The following PSG2 variants were observed in gnomAD, a reference collection of about 807,000 sequenced individuals.
PSG2 encodes pregnancy specific beta-1-glycoprotein 2.
A neutral mutation model predicts 36.2 loss-of-function variants in PSG2; 49 were observed. The ratio of observed to expected loss-of-function variants is 1.35; its 90% CI spans 1.08 to 1.72. The LOEUF (loss-of-function observed/expected upper bound fraction) is 1.72. Among genes scored for constraint, PSG2 ranks in the 40% most tolerant of loss-of-function variants. The pLI, the probability that PSG2 is intolerant of heterozygous loss-of-function variation, is 0.00. For missense variants in PSG2, 605 were observed against 407.2 expected, an observed-to-expected ratio of 1.49 and a Z score of -4.18; for synonymous variants, 261 against 155.6, an observed-to-expected ratio of 1.68 and a Z score of -5.04.
intron 4 of PSG2, among the ~76,000 whole-genome samples, chr19:43,068,466 A>AAAAAGAAAG (rs1335710405): frequency 8.8e-5 from 13 of 147,060 alleles, no homozygotes; most frequent in African/African-American, 3.4e-4. Context: ...AAAAAAAAAA[A>AAAAAGAAAG]AAAGAAAGAA....
intron 2 of PSG2, among the ~76,000 whole-genome samples, chr19:43,076,250 A>G (rs1053668865): frequency 1.3e-5 from 2 of 151,560 alleles, no homozygotes; most frequent in Admixed American, 6.6e-5. Context: ...ATAGTGAGTG[A>G]CTTGAGCCAG....
intron 5 of PSG2, chr19:43,065,456 G>A (rs901266150): frequency 6.6e-6 from 1 of 151,532 alleles, no homozygotes; most frequent in African/African-American, 2.4e-5. Flanking sequence ...AGTAGTGTCA[G>A]GGAAGACTTA....
Position 43,082,560 on chromosome 19 carries a change from G to T in PSG2, c.10C>A (p.Leu4Ile). 6.2e-7 allele frequency: 1 copy of T among 1,612,042 alleles called. No individual in the cohort carries two copies. The highest frequency in any genetic ancestry group is 2.2e-5 in the East Asian group (1 of 44,842). Reference sequence around the variant, plus strand: ...TGCTCTGTGCAGGGAGGGGCTGAGAGGGGCCCCATGGTCTCTGCTGCCTGT... The same window carrying T: ...TGCTCTGTGCAGGGAGGGGCTGAGATGGGCCCCATGGTCTCTGCTGCCTGT... Reference protein sequence around the residue: MGPLSAPPCTEHIK... With the variant: MGPISAPPCTEHIK... Residue 4 changes from leucine (L) to isoleucine (I), a missense_variant, in exon 1 of 6, where the codon CTC becomes ATC. Leu to Ile is a conservative substitution (Grantham distance 5). Coordinates refer to ENST00000406487, the MANE Select transcript of PSG2 (RefSeq NM_031246.4).
intron 1 of PSG2, 161 bp downstream of exon 1, chr19:43,082,344 GT>G (rs1450082659): frequency 1.8e-6 from 2 of 1,141,688 alleles, no homozygotes; most frequent in East Asian, 5.1e-5. Flanking sequence ...GCTACACTGT[GT>G]TGGCCAGACT....
At chr19:43,072,604 G>T (rs1276428747) in intron 3 of PSG2, 5 of 1,611,432 alleles carry the variant, frequency 3.1e-6, no homozygotes, top group Non-Finnish European at 2.5e-6. Flanking sequence ...AGTTGTTGAT[G>T]GTGATTTAGG....
chr19:43,075,673 T>C, intron 2 of PSG2, 41 bp from the exon 3 acceptor site: 1 of 1,583,150 alleles, frequency 6.3e-7, no homozygotes, highest in South Asian at 1.2e-5. Flanking sequence ...GTGTGGCACC[T>C]TTGATTCCTC....
chr19:43,067,932 T>C (rs1255318663), intron 4 of PSG2, among the ~76,000 whole-genome samples: 1 of 151,206 alleles, frequency 6.6e-6, no homozygotes, highest in Non-Finnish European at 1.5e-5. Flanking sequence ...TACTTCAGGA[T>C]ATGAAAGAAG....
intron 3 of PSG2, chr19:43,072,291 C>G: frequency 1.3e-6 from 2 of 1,599,088 alleles, no homozygotes; most frequent in South Asian, 2.2e-5. Flanking sequence ...ACTGAGAGGC[C>G]TGGCCCCTGG....
intron 2 of PSG2, among the ~76,000 whole-genome samples, chr19:43,078,049 G>A (rs1685567617): frequency 1.3e-5 from 2 of 151,672 alleles, no homozygotes; most frequent in African/African-American, 4.9e-5. Context: ...GGGACTGCAG[G>A]CCTGTCCAGC....
intron 4 of PSG2, among the ~76,000 whole-genome samples, chr19:43,068,811 A>C (rs1967777672): frequency 6.6e-6 from 1 of 151,750 alleles, no homozygotes; most frequent in Non-Finnish European, 1.5e-5. Flanking sequence ...CAGGAATAAG[A>C]CAAGGATGCC....
chr19:43,074,470 T>A (rs1317457362), intron 3 of PSG2, among the ~76,000 whole-genome samples: 9 of 151,790 alleles, frequency 5.9e-5, no homozygotes, highest in African/African-American at 1.7e-4. Flanking sequence ...GTGAATTGAA[T>A]TTCTTTCCTT....
intron 2 of PSG2, among the ~76,000 whole-genome samples, chr19:43,079,265 A>G (rs1457467589): frequency 6.6e-6 from 1 of 151,452 alleles, no homozygotes; most frequent in Admixed American, 6.6e-5. Flanking sequence ...AGCTGCCCCC[A>G]GTTCCACAGT....
chr19:43,064,858 G>T, intron 5 of PSG2, among the ~76,000 whole-genome samples: 1 of 151,534 alleles, frequency 6.6e-6, no homozygotes, highest in East Asian at 1.9e-4. Flanking sequence ...TTCAGATGGA[G>T]TCTCACTCTG....
In PSG2 at chr19:43,075,442, G is replaced by T. The variant is rs759440236; in HGVS notation, c.621C>A (p.Val207=). 6.2e-7 allele frequency: 1 copy of T among 1,613,210 alleles called. No individual in the cohort carries two copies. Among genetic ancestry groups the T allele is most frequent in the Non-Finnish European group, 8.5e-7 (1 of 1,179,686 alleles). Residue 207 remains valine (V), a synonymous_variant, in exon 3 of 6, where the codon GTC becomes GTA. Transcript: ENST00000406487. ...ETNRTLFLFG[V]TKYTAGPYEC... is the part of the protein sequence containing the mutation. ...CATAGGGTCCTGCAGTATACTTTGT[G>T]ACACCAAATAGAAAGAGGGTCCTGT... is the stretch of plus-strand genomic sequence containing the variant.
At position 43,071,700 on chromosome 19, in the gene PSG2, C is replaced by A. The variant is rs1247233103; in HGVS notation, c.964G>T (p.Ala322Ser). 1.2e-5 allele frequency: 20 copies of A among 1,612,940 alleles called. No homozygotes were observed. The highest frequency in any genetic ancestry group is 1.7e-5 in the Non-Finnish European group (20 of 1,179,480). ...GCCAAGGATGCTGGGATCCACTTAC[C>A]AGAGACTTTGACTGTCAACGATGTG... ...SSTSLTVKVSASTRIGLLPLL... is the reference protein window; with the variant it reads ...SSTSLTVKVSSSTRIGLLPLL... The change falls in exon 4 of 6, where the codon GCT becomes TCT. Residue 322 changes from alanine (A) to serine (S), a missense_variant and splice_region_variant. Transcript: ENST00000406487.
Position 43,075,598 on chromosome 19 carries a change from G to A in PSG2, c.465C>T (p.Asn155=). The A allele has an allele frequency of 6.2e-7, 1 of 1,613,192 alleles. No individual in the cohort carries two copies. Residue 155 remains asparagine, a synonymous_variant, in exon 3 of 6, where the codon AAC becomes AAT. Coordinates refer to ENST00000406487, the MANE Select transcript of PSG2 (RefSeq NM_031246.4). ...ETPKPSISSS[N]LNPREAMETV... is the part of the protein sequence containing the mutation. Reference sequence around the variant, plus strand: ...TTTCCATGGCCTCCCTGGGGTTTAAGTTGCTGCTGGAGATGGAGGGCTTGG... The same window carrying A: ...TTTCCATGGCCTCCCTGGGGTTTAAATTGCTGCTGGAGATGGAGGGCTTGG...
At chr19:43,066,660 A>C (rs918413160) in intron 4 of PSG2, 60 bp from the exon 5 acceptor site, 50 of 1,492,448 alleles carry the variant, frequency 3.4e-5, no homozygotes, top group East Asian at 1.6e-4. Flanking sequence ...ATGGGGGAGC[A>C]TCAGGAACAA....
At chr19:43,066,852 T>C (rs1218076338) in intron 4 of PSG2, among the ~76,000 whole-genome samples, 2 of 148,730 alleles carry the variant, frequency 1.3e-5, no homozygotes, top group Non-Finnish European at 3.0e-5. Flanking sequence ...CTTTCAGATG[T>C]GAGAAAGGCT....
At chr19:43,079,984 A>G (rs1967949052) in intron 2 of PSG2, among the ~76,000 whole-genome samples, 3 of 151,738 alleles carry the variant, frequency 2.0e-5, no homozygotes, top group South Asian at 4.1e-4. Flanking sequence ...AATAAGCTAA[A>G]TGGCAAATGG....
Sources: allele counts gnomAD v4.1 joint callset (sites outside exome capture counted in the v4.1 genomes callset), GRCh38; gene constraint gnomAD v4.1.1; transcripts MANE v1.5; gene names NCBI Gene and HGNC (gene_info 2026-07-23, HGNC 2026-07-21).